The following TRAK1 variants were observed in gnomAD, a reference collection of about 807,000 sequenced individuals.
TRAK1 encodes trafficking kinesin protein 1.
TRAK1 carries 33 observed loss-of-function variants against 92.1 expected under a neutral mutation model. The ratio of observed to expected loss-of-function variants is 0.36; its 90% CI spans 0.27 to 0.48. The LOEUF (loss-of-function observed/expected upper bound fraction) is 0.48. Among genes scored for constraint, TRAK1 ranks in the 20% least tolerant of loss-of-function variants. The probability of loss-of-function intolerance (pLI) is 0.99; values close to 1 mark genes in which losing one functional copy is unlikely to be tolerated. For missense variants in TRAK1, 1,123 were observed against 1,257.9 expected (o/e 0.89, Z 1.62); for synonymous variants, 521 against 517.3 (o/e 1.01, Z -0.10).
chr3:42,026,424 C>G (rs922063359), intron 1 of TRAK1, among the ~76,000 whole-genome samples: 1 of 151,976 alleles, frequency 6.6e-6, no homozygotes, highest in Non-Finnish European at 1.5e-5. Context: ...GCCAGGGCAC[C>G]GATTATTTTT....
chr3:42,132,353 T>A (rs1303320643), intron 2 of TRAK1, among the ~76,000 whole-genome samples: 1 of 149,486 alleles, frequency 6.7e-6, no homozygotes, highest in Non-Finnish European at 1.5e-5. Flanking sequence ...ATTCTCAACC[T>A]CCCAGACTCA....
chr3:42,218,483 A>G lies in TRAK1; in HGVS notation c.1964-1011A>G, dbSNP rs533759003. ...GGTGGGAGAATCATCCCGGCACTTC[A>G]TCGTGCATGCTATTTCGGGCAGCAT... On this transcript the variant is annotated intron_variant, in intron 14 of 15. Transcript: ENST00000327628. 1.1e-5 allele frequency: 11 copies of G among 983,030 alleles called. No individual in the cohort carries two copies. The South Asian group carries it at 5.2e-4, about 46-fold the overall frequency. The allele number at this position is 983,030 out of a possible 1,614,324, so 60.9% of individuals were successfully genotyped here.
At position 42,049,148 on chromosome 3, in the gene TRAK1, C is replaced by T. The variant is rs1702882049; in HGVS notation, c.-519+35031C>T. Among the ~76,000 whole-genome samples the T allele has an allele frequency of 2.0e-5, 3 of 152,222 alleles. No individual in the cohort carries two copies. In the South Asian group the frequency reaches 6.2e-4, roughly 32 times the overall value. ...AAGTGATCCACTCACTTTGGCCTTG[C>T]AGGCATGAACCACCGCACCCAGCAG... On this transcript the variant is annotated intron_variant, in intron 1 of 16. Transcript: ENST00000487159.
At chr3:42,218,127 A>G in intron 14 of TRAK1, 1 of 985,252 alleles carries the variant, frequency 1.0e-6, no homozygotes, top group African/African-American at 1.7e-5. Context: ...TCTAGTCACC[A>G]TCACTTTTGT....
chr3:42,191,894 A>AGTTTT (rs1705794582), intron 7 of TRAK1, among the ~76,000 whole-genome samples: 1 of 44,340 alleles, frequency 2.3e-5, no homozygotes, highest in Non-Finnish European at 4.2e-5. Flanking sequence ...GGAATATTGG[A>AGTTTT]ATTTTTTTTT....
At chr3:42,195,182 T>C (rs779907674) in intron 10 of TRAK1, among the ~76,000 whole-genome samples, 5 of 152,256 alleles carry the variant, frequency 3.3e-5, no homozygotes, top group Non-Finnish European at 5.9e-5. Context: ...CATTAAAAGA[T>C]AAATTTAGTA....
At position 42,146,042 on chromosome 3, in the gene TRAK1, T is replaced by G. The variant is rs183725552; in HGVS notation, c.286+20428T>G. 3.5e-3 allele frequency: 1,467 copies of G among 419,588 alleles called. 5 individuals are homozygous for G. Among genetic ancestry groups the G allele is most frequent in the Admixed American group, 5.6e-3 (173 of 31,142 alleles). The allele number at this position is 419,588 out of a possible 1,614,324, so 26.0% of individuals were successfully genotyped here. The stretch of plus-strand genomic sequence containing the variant: ...TCTTAAATACTTTGGCTTCAGGAAC[T>G]TTGCTAATTGGTTCTTCTGAGTAAG... On this transcript the variant is annotated intron_variant, in intron 2 of 15. Transcript: ENST00000327628.
chr3:42,029,643 C>T (rs942832666), intron 1 of TRAK1, among the ~76,000 whole-genome samples: 5 of 149,874 alleles, frequency 3.3e-5, no homozygotes, highest in Non-Finnish European at 7.4e-5. Flanking sequence ...TCTGCCTCCC[C>T]GGTTCAAGTG....
intron 2 of TRAK1, among the ~76,000 whole-genome samples, chr3:42,167,593 G>A (rs947657459): frequency 1.3e-5 from 2 of 152,148 alleles, no homozygotes; most frequent in African/African-American, 4.8e-5. Context: ...TTAAAACCAA[G>A]TAATGGGCCA....
chr3:42,046,039 A>C (rs551264191), intron 1 of TRAK1, among the ~76,000 whole-genome samples: 31 of 152,184 alleles, frequency 2.0e-4, no homozygotes, highest in Non-Finnish European at 1.3e-4. Flanking sequence ...TGAGCAATTC[A>C]GTATATTACA....
chr3:42,177,594 T>G (rs557362917), intron 3 of TRAK1, among the ~76,000 whole-genome samples: 2 of 152,316 alleles, frequency 1.3e-5, no homozygotes, highest in East Asian at 3.9e-4. Flanking sequence ...GACCCTTGCT[T>G]CTGATCTGGA....
intron 4 of TRAK1, among the ~76,000 whole-genome samples, chr3:42,185,823 C>G (rs1264471435): frequency 6.6e-6 from 1 of 151,854 alleles, no homozygotes; most frequent in Non-Finnish European, 1.5e-5. Flanking sequence ...AGGTGCCTGC[C>G]ACCACACCCA....
chr3:42,216,878 T>C (rs1366507295), intron 14 of TRAK1, among the ~76,000 whole-genome samples: 1 of 152,152 alleles, frequency 6.6e-6, no homozygotes, highest in Non-Finnish European at 1.5e-5. Flanking sequence ...AGAATTTAAA[T>C]AGGGAATTAA....
intron 13 of TRAK1, 37 bp from the exon 14 acceptor site, chr3:42,209,730 C>T (rs1203764008): frequency 6.3e-7 from 1 of 1,592,178 alleles, no homozygotes; most frequent in Non-Finnish European, 8.6e-7. Flanking sequence ...CCTCTCTTCT[C>T]CTTGTCCCCC....
chr3:42,184,592 G>T, intron 3 of TRAK1, 93 bp from the exon 4 acceptor site: 1 of 1,180,268 alleles, frequency 8.5e-7, no homozygotes, highest in Non-Finnish European at 1.2e-6. Context: ...ATTTCTAGAT[G>T]CTTATGTTTT....
chr3:42,166,062 C>T (rs935233922), intron 2 of TRAK1, among the ~76,000 whole-genome samples: 7 of 152,104 alleles, frequency 4.6e-5, no homozygotes, highest in Non-Finnish European at 1.0e-4. Flanking sequence ...GACACCTTTC[C>T]TGCTTGCTCC....
At position 42,076,383 on chromosome 3, in the gene TRAK1, G is replaced by A. The variant is rs181773799; in HGVS notation, c.-518-10721G>A. 1.5e-4 allele frequency among the ~76,000 whole-genome samples: 23 copies of A among 150,854 alleles called. No individual in the cohort carries two copies. In the East Asian group the frequency reaches 3.6e-3, roughly 23 times the overall value. On this transcript the variant is annotated intron_variant, in intron 1 of 16. Transcript: ENST00000487159. ...TGGGTTTACAGGTGCTCGCCACCAC[G>A]CCCAGCTGATTTGCATATTTTTAGT...
intron 2 of TRAK1, among the ~76,000 whole-genome samples, chr3:42,154,068 A>T (rs1413817130): frequency 6.6e-6 from 1 of 152,232 alleles, no homozygotes; most frequent in Non-Finnish European, 1.5e-5. Flanking sequence ...CTGACATAGG[A>T]GCTGAGGACT....
chr3:42,090,505 G>A (rs1704960055), upstream of TRAK1, among the ~76,000 whole-genome samples: 2 of 152,300 alleles, frequency 1.3e-5, no homozygotes, highest in South Asian at 4.1e-4. Context: ...GGCCAACATG[G>A]TGAAACCCCG....
Sources: allele counts gnomAD v4.1 joint callset (sites outside exome capture counted in the v4.1 genomes callset), GRCh38; gene constraint gnomAD v4.1.1; transcripts MANE v1.5; gene names NCBI Gene and HGNC (gene_info 2026-07-23, HGNC 2026-07-21).